TUSC3: variants seen among roughly 807,000 people sequenced by gnomAD.
TUSC3 encodes tumor suppressor candidate 3.
A neutral mutation model predicts 44.8 loss-of-function variants in TUSC3; 45 were observed. The observed-to-expected ratio is 1.00, with a 90% CI of 0.79 to 1.29. The LOEUF is 1.29. Among genes scored for constraint, TUSC3 ranks in the 50% most tolerant of loss-of-function variants. The pLI is 0.00. For missense variants in TUSC3, 519 were observed against 437.9 expected (o/e 1.19, Z -1.65); for synonymous variants, 212 against 152.9 (o/e 1.39, Z -2.85).
At chr8:15,730,122 T>C (rs1485209271) in intron 6 of TUSC3, among the ~76,000 whole-genome samples, 3 of 152,270 alleles carry the variant, frequency 2.0e-5, no homozygotes, top group East Asian at 3.9e-4. Flanking sequence ...GAGATTTGTG[T>C]TGGATTTTCT....
intron 2 of TUSC3, among the ~76,000 whole-genome samples, chr8:15,523,141 C>T (rs188350121): frequency 6.6e-5 from 10 of 152,234 alleles, no homozygotes; most frequent in Admixed American, 6.5e-4. Context: ...AGTTTCTTTC[C>T]ATTTGTTCTC....
intron 1 of TUSC3, among the ~76,000 whole-genome samples, chr8:15,432,969 A>C (rs1799888872): frequency 6.6e-6 from 1 of 152,094 alleles, no homozygotes; most frequent in Non-Finnish European, 1.5e-5. Flanking sequence ...TATATTTCAA[A>C]ATGGTTTCTT....
At chr8:15,563,814 AG>A (rs1802569495) in intron 1 of TUSC3, among the ~76,000 whole-genome samples, 1 of 152,106 alleles carries the variant, frequency 6.6e-6, no homozygotes, top group Admixed American at 6.6e-5. Context: ...CATAAAAGTA[AG>A]CACTTGTAAA....
chr8:15,719,481 T>C lies in TUSC3; in HGVS notation c.799-11185T>C, dbSNP rs190258684. On this transcript the variant is annotated intron_variant, in intron 6 of 10. Transcript: ENST00000503731. ...CTTTTCTTACAGCACTTTGCACTTATAGTATACAGTTCATCACACACACAC... is the reference window on the plus strand; with the variant it reads ...CTTTTCTTACAGCACTTTGCACTTACAGTATACAGTTCATCACACACACAC... Among the ~76,000 whole-genome samples the C allele has an allele frequency of 5.3e-4, 78 of 148,518 alleles. 1 individual carries two copies. Among genetic ancestry groups the C allele is most frequent in the African/African-American group, 1.8e-3 (73 of 40,402 alleles).
chr8:15,681,229 G>C (rs1274186081), intron 6 of TUSC3, among the ~76,000 whole-genome samples: 1 of 146,682 alleles, frequency 6.8e-6, no homozygotes, highest in Non-Finnish European at 1.5e-5. Flanking sequence ...TTTTTTTTTG[G>C]AATAGTTTCA....
intron 1 of TUSC3, among the ~76,000 whole-genome samples, chr8:15,418,508 A>G (rs1036155954): frequency 2.0e-5 from 3 of 152,228 alleles, no homozygotes; most frequent in African/African-American, 4.8e-5. Context: ...CTGTCAAGAA[A>G]AACTATTAAT....
intron 6 of TUSC3, among the ~76,000 whole-genome samples, chr8:15,682,625 G>T (rs1808471771): frequency 6.6e-6 from 1 of 152,106 alleles, no homozygotes; most frequent in Non-Finnish European, 1.5e-5. Context: ...ATTAAGTGGA[G>T]CATTTAGACT....
At chr8:15,602,367 A>G (rs1056755928) in intron 1 of TUSC3, among the ~76,000 whole-genome samples, 1 of 151,732 alleles carries the variant, frequency 6.6e-6, no homozygotes, top group Non-Finnish European at 1.5e-5. Context: ...CATGAATTTT[A>G]ATACAGTTAT....
At chr8:15,462,515 C>T (rs1800359154) in intron 1 of TUSC3, among the ~76,000 whole-genome samples, 1 of 152,024 alleles carries the variant, frequency 6.6e-6, no homozygotes, top group Non-Finnish European at 1.5e-5. Flanking sequence ...CAACGACTGC[C>T]TGTTAATGTT....
chr8:15,446,496 C>T (rs958569944), intron 1 of TUSC3, among the ~76,000 whole-genome samples: 35 of 152,120 alleles, frequency 2.3e-4, no homozygotes, highest in African/African-American at 7.7e-4. Context: ...GAGGCCCAGG[C>T]GGGCAGATCA....
the TUSC3 span, among the ~76,000 whole-genome samples, chr8:15,786,716 G>T: frequency 6.6e-6 from 1 of 151,756 alleles, no homozygotes; most frequent in Admixed American, 6.6e-5. Context: ...TGGCCGAGGC[G>T]GTGGATCACG....
the TUSC3 span, among the ~76,000 whole-genome samples, chr8:15,814,607 T>C: frequency 1.3e-5 from 2 of 152,228 alleles, no homozygotes; most frequent in African/African-American, 2.4e-5. Context: ...ATGAAAAATA[T>C]ATATTTATGT....
chr8:15,845,845 T>G, the TUSC3 span, among the ~76,000 whole-genome samples: 2 of 152,142 alleles, frequency 1.3e-5, no homozygotes, highest in African/African-American at 4.8e-5. Flanking sequence ...AAAACTGCTG[T>G]ACTGGTCCAT....
At chr8:15,641,494 G>C (rs1345423627) in intron 2 of TUSC3, among the ~76,000 whole-genome samples, 2 of 152,012 alleles carry the variant, frequency 1.3e-5, no homozygotes. Context: ...GAGAGGGGAA[G>C]ACACTAGAAG....
At chr8:15,787,482 TAAA>T in the TUSC3 span, among the ~76,000 whole-genome samples, 1 of 152,198 alleles carries the variant, frequency 6.6e-6, no homozygotes, top group Non-Finnish European at 1.5e-5. Context: ...ATCAGTCTAT[TAAA>T]AAATTTGTCA....
intron 2 of TUSC3, among the ~76,000 whole-genome samples, chr8:15,526,808 G>C (rs181472209): frequency 2.0e-5 from 3 of 152,220 alleles, no homozygotes; most frequent in African/African-American, 7.2e-5. Context: ...AAGTTGCTTC[G>C]TTTGAAGTCT....
intron 6 of TUSC3, chr8:15,689,219 T>G (rs578246198): frequency 1.6e-4 from 58 of 355,726 alleles, no homozygotes; most frequent in Non-Finnish European, 3.0e-4. Context: ...TTTTCTCTTC[T>G]TTGCATCTGC....
At chr8:15,797,011 T>C in the TUSC3 span, among the ~76,000 whole-genome samples, 11 of 152,326 alleles carry the variant, frequency 7.2e-5, no homozygotes, top group Admixed American at 2.6e-4. Context: ...ACCGTTCCCA[T>C]TGGGGTCAGG....
At chr8:15,749,603 G>T (rs889358240) in intron 9 of TUSC3, among the ~76,000 whole-genome samples, 2 of 151,848 alleles carry the variant, frequency 1.3e-5, no homozygotes, top group Non-Finnish European at 2.9e-5. Flanking sequence ...GGCAGCAAGG[G>T]TTATGAGAGA....
Sources: allele counts gnomAD v4.1 joint callset (sites outside exome capture counted in the v4.1 genomes callset), GRCh38; gene constraint gnomAD v4.1.1; transcripts MANE v1.5; gene names NCBI Gene and HGNC (gene_info 2026-07-23, HGNC 2026-07-21).